The following ARRDC5 variants were observed in gnomAD, a reference collection of about 807,000 sequenced individuals.
ARRDC5 encodes arrestin domain-containing protein 5.
Under a neutral mutation model 13.3 loss-of-function variants are expected in ARRDC5, and 12 were observed. The ratio of observed to expected loss-of-function variants is 0.90; its 90% CI spans 0.58 to 1.46. The LOEUF (loss-of-function observed/expected upper bound fraction) is 1.46, where lower values mean the gene tolerates loss of function less well. ARRDC5 is among the 40% of genes most tolerant of loss of function. The pLI is 0.00. For synonymous variants in ARRDC5, 181 were observed against 173.4 expected (o/e 1.04, Z -0.34); for missense variants, 406 against 418.7 (o/e 0.97, Z 0.26).
intron 2 of ARRDC5, among the ~76,000 whole-genome samples, chr19:4,895,428 A>C: frequency 7.9e-6 from 1 of 127,292 alleles, no homozygotes; most frequent in Non-Finnish European, 1.7e-5. Flanking sequence ...GTCTCAAAAA[A>C]AAAAAAAAAA....
At chr19:4,899,958 A>G (rs2031862861) in intron 1 of ARRDC5, among the ~76,000 whole-genome samples, 1 of 149,562 alleles carries the variant, frequency 6.7e-6, no homozygotes, top group Non-Finnish European at 1.5e-5. Flanking sequence ...AATAAATAAA[A>G]GAAAAGAAAA....
chr19:4,896,401 CACACATAT>C (rs2031734228), intron 2 of ARRDC5, among the ~76,000 whole-genome samples: 1 of 98,876 alleles, frequency 1.0e-5, no homozygotes, highest in Non-Finnish European at 2.3e-5. Flanking sequence ...CACACACACA[CACACATAT>C]ATATAATTTT....
chr19:4,908,128 C>G, the ARRDC5 span, among the ~76,000 whole-genome samples: 1 of 152,186 alleles, frequency 6.6e-6, no homozygotes, highest in African/African-American at 2.4e-5. Flanking sequence ...ACCTGGATCA[C>G]CCAGGAGACG....
chr19:4,910,877 G>A, the ARRDC5 span: 99 of 1,604,238 alleles, frequency 6.2e-5, 1 homozygote, highest in South Asian at 1.0e-3. Context: ...TCCCCTCAGC[G>A]CCGACACCAT....
chr19:4,899,969 C>T (rs1047232238), intron 1 of ARRDC5, among the ~76,000 whole-genome samples: 2 of 149,298 alleles, frequency 1.3e-5, no homozygotes, highest in Admixed American at 1.3e-4. Flanking sequence ...GAAAAGAAAA[C>T]AACTAGCAAC....
chr19:4,897,877 A>G (rs1334108527), intron 1 of ARRDC5, among the ~76,000 whole-genome samples: 2 of 152,230 alleles, frequency 1.3e-5, no homozygotes, highest in Non-Finnish European at 2.9e-5. Context: ...ACCTGAGGTC[A>G]GGAGTTTGAG....
intron 2 of ARRDC5, among the ~76,000 whole-genome samples, chr19:4,895,005 G>A (rs955588733): frequency 2.0e-5 from 3 of 152,116 alleles, no homozygotes; most frequent in African/African-American, 7.2e-5. Context: ...AGGTGTGAAA[G>A]AACCTGCTGC....
intron 2 of ARRDC5, among the ~76,000 whole-genome samples, chr19:4,896,361 T>TTTTACACAC (rs761253103): frequency 3.5e-5 from 3 of 84,956 alleles, no homozygotes; most frequent in African/African-American, 1.7e-4. Flanking sequence ...TTTTTTTTTT[T>TTTTACACAC]ACACACACAC....
intron 1 of ARRDC5, among the ~76,000 whole-genome samples, chr19:4,901,306 G>A (rs1286137314): frequency 2.6e-5 from 4 of 152,048 alleles, no homozygotes; most frequent in African/African-American, 7.2e-5. Flanking sequence ...GCAACAGAGC[G>A]AGGCCCTGTC....
Position 4,891,539 on chromosome 19 carries a change from G to A in ARRDC5, c.494C>T (p.Ser165Phe). The change falls in exon 3 of 3, where the codon TCC becomes TTC. Residue 165 changes from serine to phenylalanine, a missense_variant. Ser to Phe is a radical substitution (Grantham distance 155). Transcript: ENST00000650722. Reference sequence around the variant, plus strand: ...AGTGCCCTGGCGGCAGCAGTTGTAGGAGACTTTCTCCTCAGCCTCCACGAA... The same window carrying A: ...AGTGCCCTGGCGGCAGCAGTTGTAGAAGACTTTCTCCTCAGCCTCCACGAA... ...PLFVEAEEKV[S>F]YNCCRQGTVC... 6.2e-7 allele frequency: 1 copy of A among 1,613,690 alleles called. No individual in the cohort carries two copies. Among genetic ancestry groups the A allele is most frequent in the Non-Finnish European group, 8.5e-7 (1 of 1,179,788 alleles).
upstream of ARRDC5, among the ~76,000 whole-genome samples, chr19:4,905,755 G>A (rs946037839): frequency 2.0e-5 from 3 of 152,102 alleles, no homozygotes; most frequent in Non-Finnish European, 2.9e-5. Flanking sequence ...TGACCTCAGT[G>A]ATCCGCCTGC....
At chr19:4,909,101 C>T in the ARRDC5 span, 1 of 183,806 alleles carries the variant, frequency 5.4e-6, no homozygotes, top group Non-Finnish European at 1.1e-5. Context: ...CCTAGGGGCC[C>T]CCCACATTCC....
upstream of ARRDC5, among the ~76,000 whole-genome samples, chr19:4,906,731 C>T (rs2032071382): frequency 6.6e-6 from 1 of 151,924 alleles, no homozygotes; most frequent in Admixed American, 6.6e-5. Flanking sequence ...GCAGGCTGGG[C>T]ACCAAAGCAA....
chr19:4,909,197 T>G, the ARRDC5 span: 1 of 446,614 alleles, frequency 2.2e-6, no homozygotes, highest in Non-Finnish European at 4.0e-6. Flanking sequence ...GACTTGGACT[T>G]AAGAGTTCAG....
In ARRDC5 at chr19:4,902,636, T is replaced by A. The variant is rs1371426621; in HGVS notation, c.190A>T (p.Arg64Ter). The A allele has an allele frequency of 6.2e-7, 1 of 1,613,936 alleles. No individual in the cohort carries two copies. Among genetic ancestry groups the A allele is most frequent in the African/African-American group, 1.3e-5 (1 of 74,952 alleles). ...EEAGASCDYS[R>*]NVICNNKADY... ...GCCTTGTTGTTGCAAATAACATTTC[T>A]GCTATAATCACAGGATGCCCCGGCT... Residue 64 changes from arginine to a stop codon, truncating the protein, a stop_gained, in exon 1 of 3, where the codon AGA becomes TGA. Coordinates refer to ENST00000650722, the MANE Select transcript of ARRDC5 (RefSeq NM_001080523.3). LOFTEE classifies it high-confidence loss of function.
At chr19:4,914,193 G>T in the ARRDC5 span, among the ~76,000 whole-genome samples, 1 of 152,246 alleles carries the variant, frequency 6.6e-6, no homozygotes, top group Admixed American at 6.6e-5. Flanking sequence ...AGGTGATGCA[G>T]TTTCCCCACT....
At chr19:4,896,327 AAAAT>A (rs1206997351) in intron 2 of ARRDC5, among the ~76,000 whole-genome samples, 32 of 70,122 alleles carry the variant, frequency 4.6e-4, no homozygotes, top group South Asian at 3.2e-3. Flanking sequence ...AAAAAAAAAA[AAAAT>A]ATATATATAT....
chr19:4,906,795 T>C (rs978729270), upstream of ARRDC5, among the ~76,000 whole-genome samples: 2 of 152,154 alleles, frequency 1.3e-5, no homozygotes, highest in Non-Finnish European at 2.9e-5. Flanking sequence ...GTATTCCCTC[T>C]TTCAGCCACG....
intron 2 of ARRDC5, among the ~76,000 whole-genome samples, chr19:4,894,510 C>CAAAAAAAAAAAAAAAAAAAA (rs575777769): frequency 7.3e-5 from 2 of 27,230 alleles, no homozygotes; most frequent in African/African-American, 3.1e-4. Flanking sequence ...GACTCCGTCT[C>CAAAAAAAAAAAAAAAAAAAA]AAAAAAAAAA....
Sources: allele counts gnomAD v4.1 joint callset (sites outside exome capture counted in the v4.1 genomes callset), GRCh38; gene constraint gnomAD v4.1.1; transcripts MANE v1.5; gene names NCBI Gene and HGNC (gene_info 2026-07-23, HGNC 2026-07-21).